Variants in ATXN1 observed in about 807,000 individuals in gnomAD.
The protein encoded by ATXN1 is ataxin 1.
ATXN1 carries 8 observed loss-of-function variants against 56.4 expected under a neutral mutation model. The ratio of observed to expected loss-of-function variants is 0.14; its 90% CI spans 0.08 to 0.26. The LOEUF (loss-of-function observed/expected upper bound fraction) is 0.26, where lower values mean the gene tolerates loss of function less well. Ranked by LOEUF, ATXN1 falls within the 10% of genes least tolerant of loss-of-function variation. The pLI is 1.00. For synonymous variants in ATXN1, 514 were observed against 494.6 expected (o/e 1.04, Z -0.52); for missense variants, 987 against 1,106.5 (o/e 0.89, Z 1.53).
chr6:16,358,725 C>T (rs925722365), intron 6 of ATXN1, among the ~76,000 whole-genome samples: 2 of 152,186 alleles, frequency 1.3e-5, no homozygotes, highest in African/African-American at 4.8e-5. Flanking sequence ...GCCTCCTGCT[C>T]CACAGAGCAA....
Position 16,577,094 on chromosome 6 carries a change from T to C in ATXN1, c.-361+8686A>G, listed in dbSNP as rs533125752. Among the ~76,000 whole-genome samples the C allele has an allele frequency of 3.0e-3, 455 of 152,270 alleles. 3 individuals carry two copies. Among genetic ancestry groups the C allele is most frequent in the African/African-American group, 9.1e-3 (378 of 41,546 alleles). ...TGGCATGCTACTTACATTACTCTTG[T>C]CCCCAGACCACAGACACACCCCGCT... On this transcript the variant is annotated intron_variant, in intron 4 of 7. Coordinates refer to ENST00000436367, the MANE Select transcript of ATXN1 (RefSeq NM_001128164.2).
At chr6:16,658,826 C>T (rs1264519330) in intron 2 of ATXN1, among the ~76,000 whole-genome samples, 1 of 152,214 alleles carries the variant, frequency 6.6e-6, no homozygotes, top group Non-Finnish European at 1.5e-5. Flanking sequence ...GACTGTCATC[C>T]AGTTCCCTGA....
At chr6:16,746,882 T>C (rs1419702499) in intron 2 of ATXN1, among the ~76,000 whole-genome samples, 1 of 152,082 alleles carries the variant, frequency 6.6e-6, no homozygotes, top group Non-Finnish European at 1.5e-5. Context: ...AACTGTACAA[T>C]GTCAGAGATA....
intron 3 of ATXN1, among the ~76,000 whole-genome samples, chr6:16,635,534 G>C (rs940312340): frequency 6.6e-6 from 1 of 152,104 alleles, no homozygotes; most frequent in South Asian, 2.1e-4. Flanking sequence ...GAAGTTCAAC[G>C]AGAGCTAACT....
chr6:16,316,865 C>CTTTTTTTTTTTTTTT lies in ATXN1; in HGVS notation c.1917+9514_1917+9528dup, dbSNP rs375359789. On this transcript the variant is annotated intron_variant, in intron 7 of 7. Transcript: ENST00000436367. The stretch of plus-strand genomic sequence containing the variant: ...AGGGGGCAATAGAGAGACTGCCTGT[C>CTTTTTTTTTTTTTTT]TTTTTTTTTTTTTTTTTTTTTTTTT... Among the ~76,000 whole-genome samples, 410 of 99,402 alleles carry CTTTTTTTTTTTTTTT rather than the reference C, an allele frequency of 4.1e-3. 49 individuals carry two copies. The highest frequency in any genetic ancestry group is 5.6e-3 in the African/African-American group (109 of 19,612). The allele number at this position is 99,402 out of a possible 152,430, so 65.2% of individuals were successfully genotyped here. A position where few individuals can be genotyped will look rare whatever the true frequency, so the allele number is the denominator to read the frequency against.
chr6:16,640,852 C>T (rs1719643347), intron 3 of ATXN1, among the ~76,000 whole-genome samples: 1 of 152,128 alleles, frequency 6.6e-6, no homozygotes, highest in Non-Finnish European at 1.5e-5. Flanking sequence ...TGACATATGT[C>T]AAAAGCCAGG....
intron 6 of ATXN1, among the ~76,000 whole-genome samples, chr6:16,435,163 G>T (rs771293355): frequency 6.6e-6 from 1 of 152,110 alleles, no homozygotes; most frequent in Non-Finnish European, 1.5e-5. Flanking sequence ...AGGTTTGGTG[G>T]GATGGTGATT....
chr6:16,353,856 T>C (rs973594142), intron 6 of ATXN1, among the ~76,000 whole-genome samples: 4 of 152,194 alleles, frequency 2.6e-5, no homozygotes, highest in African/African-American at 7.2e-5. Flanking sequence ...TAATCAGAAA[T>C]ACATGTGATG....
At chr6:16,682,203 C>CCTTTTTTTTTTT (rs1758827940) in intron 2 of ATXN1, among the ~76,000 whole-genome samples, 1 of 116,960 alleles carries the variant, frequency 8.5e-6, no homozygotes, top group African/African-American at 3.3e-5. Flanking sequence ...CTGGGGAGAA[C>CCTTTTTTTTTTT]TTTTTTTTTT....
chr6:16,665,183 A>G lies in ATXN1; in HGVS notation c.-614-7282T>C, dbSNP rs184115007. Among the ~76,000 whole-genome samples the G allele has an allele frequency of 8.5e-5, 13 of 152,310 alleles. No individual in the cohort carries two copies. The East Asian group carries it at 2.3e-3, about 27-fold the overall frequency. ...TTTTTTTATATCATACCAAAACTCA[A>G]TAAGTGGTAGTTTCTTAAAGGGGAG... is the stretch of plus-strand genomic sequence containing the variant. On this transcript the variant is annotated intron_variant, in intron 2 of 7. Coordinates refer to ENST00000436367, the MANE Select transcript of ATXN1 (RefSeq NM_001128164.2).
intron 5 of ATXN1, among the ~76,000 whole-genome samples, chr6:16,504,409 G>T (rs1005648005): frequency 6.6e-6 from 1 of 151,984 alleles, no homozygotes; most frequent in Non-Finnish European, 1.5e-5. Flanking sequence ...TCTGAACTCA[G>T]GACTTATTTT....
intron 6 of ATXN1, among the ~76,000 whole-genome samples, chr6:16,400,991 T>A (rs569916070): frequency 7.2e-5 from 11 of 152,170 alleles, no homozygotes; most frequent in Admixed American, 5.2e-4. Flanking sequence ...TGATATTATA[T>A]TATTTTCACT....
intron 4 of ATXN1, among the ~76,000 whole-genome samples, chr6:16,523,315 G>A (rs541720549): frequency 6.6e-6 from 1 of 152,294 alleles, no homozygotes; most frequent in East Asian, 1.9e-4. Context: ...ACTTGCTCAC[G>A]TGCACATGGC....
At chr6:16,414,218 A>C (rs552559033) in intron 6 of ATXN1, among the ~76,000 whole-genome samples, 12 of 152,120 alleles carry the variant, frequency 7.9e-5, no homozygotes, top group Admixed American at 4.6e-4. Context: ...GCTCTTCCCT[A>C]TCTCTCACTG....
intron 7 of ATXN1, among the ~76,000 whole-genome samples, chr6:16,316,809 G>C (rs1193221549): frequency 6.8e-6 from 1 of 148,004 alleles, no homozygotes; most frequent in East Asian, 2.0e-4. Context: ...CTTCTGTATG[G>C]AAAAACATTG....
chr6:16,746,417 G>C (rs572577111), intron 2 of ATXN1, among the ~76,000 whole-genome samples: 1 of 152,300 alleles, frequency 6.6e-6, no homozygotes, highest in South Asian at 2.1e-4. Context: ...GAATTACCTA[G>C]AGACTAAAAC....
intron 4 of ATXN1, among the ~76,000 whole-genome samples, chr6:16,527,153 T>C (rs913766452): frequency 2.0e-5 from 3 of 152,040 alleles, no homozygotes; most frequent in Admixed American, 6.6e-5. Flanking sequence ...TAAAAATATA[T>C]GTGATAGGAT....
chr6:16,414,934 G>C (rs112595095), intron 6 of ATXN1, among the ~76,000 whole-genome samples: 31 of 152,260 alleles, frequency 2.0e-4, no homozygotes, highest in African/African-American at 6.0e-4. Flanking sequence ...TGGACTAAAA[G>C]TTGAGCTACT....
intron 3 of ATXN1, among the ~76,000 whole-genome samples, chr6:16,621,452 C>T (rs1474825818): frequency 2.6e-5 from 4 of 152,220 alleles, no homozygotes; most frequent in Non-Finnish European, 2.9e-5. Context: ...CCAGGCCCGG[C>T]GGCTCATGCC....
Sources: allele counts gnomAD v4.1 joint callset (sites outside exome capture counted in the v4.1 genomes callset), GRCh38; gene constraint gnomAD v4.1.1; transcripts MANE v1.5; gene names NCBI Gene and HGNC (gene_info 2026-07-23, HGNC 2026-07-21).